SNTB1: variants seen among roughly 807,000 people sequenced by gnomAD.
SNTB1 encodes the protein beta-1-syntrophin.
SNTB1 carries 36 observed loss-of-function variants against 48.9 expected under a neutral mutation model. That is an observed-to-expected ratio of 0.74 (90% CI 0.56 to 0.97). The LOEUF (loss-of-function observed/expected upper bound fraction) is 0.97. Ranked by LOEUF, SNTB1 falls within the 50% of genes least tolerant of loss-of-function variation. The pLI, the probability that SNTB1 is intolerant of heterozygous loss-of-function variation, is 0.00. For synonymous variants in SNTB1, 299 were observed against 294.6 expected (o/e 1.01, Z -0.15); for missense variants, 786 against 703.4 (o/e 1.12, Z -1.33).
chr8:120,684,116 T>C (rs75407913), intron 2 of SNTB1, among the ~76,000 whole-genome samples: 18,101 of 152,214 alleles, frequency 0.12, 1,264 homozygotes, highest in East Asian at 0.23. Flanking sequence ...ACAGTGCCTA[T>C]TATGTGTCCT....
At chr8:120,731,981 T>A (rs990607027) in intron 1 of SNTB1, among the ~76,000 whole-genome samples, 1 of 152,220 alleles carries the variant, frequency 6.6e-6, no homozygotes, top group African/African-American at 2.4e-5. Context: ...CAGTGAGCAG[T>A]GTTTCAAAAC....
chr8:120,804,457 G>A (rs1329284687), intron 1 of SNTB1, among the ~76,000 whole-genome samples: 3 of 152,040 alleles, frequency 2.0e-5, no homozygotes, highest in South Asian at 2.1e-4. Flanking sequence ...GCCTTATACC[G>A]CTTTAACTTC....
chr8:120,759,419 A>G (rs1005810695), intron 1 of SNTB1, among the ~76,000 whole-genome samples: 1 of 152,124 alleles, frequency 6.6e-6, no homozygotes, highest in Non-Finnish European at 1.5e-5. Flanking sequence ...TGCTTTGAAT[A>G]CTTTTCTGAT....
At chr8:120,584,351 G>A (rs1816099916) in intron 3 of SNTB1, among the ~76,000 whole-genome samples, 1 of 144,876 alleles carries the variant, frequency 6.9e-6, no homozygotes, top group African/African-American at 2.6e-5. Flanking sequence ...CTGAGGCAGA[G>A]TTGCTCGAAC....
At chr8:120,603,610 T>C (rs927868234) in intron 3 of SNTB1, among the ~76,000 whole-genome samples, 1 of 152,192 alleles carries the variant, frequency 6.6e-6, no homozygotes, top group African/African-American at 2.4e-5. Flanking sequence ...CAGCAATCTA[T>C]GTTCCAACAA....
At chr8:120,598,034 TG>T (rs1471533512) in intron 3 of SNTB1, among the ~76,000 whole-genome samples, 3 of 152,214 alleles carry the variant, frequency 2.0e-5, no homozygotes, top group Non-Finnish European at 4.4e-5. Flanking sequence ...TTTTTCTGTT[TG>T]GGGATGGGAA....
rs545848995 is a variant in SNTB1, at chr8:120,563,396, A to G, written c.1136+11690T>C. On this transcript the variant is annotated intron_variant, in intron 4 of 6. Coordinates refer to ENST00000517992, the MANE Select transcript of SNTB1 (RefSeq NM_021021.4). ...GAGGAATGAGAATTGCTAAAATTACAACTTGTTTGCAAACTTCCTGAGCGC... is the reference window on the plus strand; with the variant it reads ...GAGGAATGAGAATTGCTAAAATTACGACTTGTTTGCAAACTTCCTGAGCGC... Among the ~76,000 whole-genome samples the G allele has an allele frequency of 1.8e-4, 27 of 152,220 alleles. No homozygotes were observed. In the East Asian group the frequency reaches 5.2e-3, roughly 29 times the overall value.
intron 1 of SNTB1, among the ~76,000 whole-genome samples, chr8:120,722,772 T>C (rs1818685772): frequency 6.6e-6 from 1 of 152,342 alleles, no homozygotes; most frequent in South Asian, 2.1e-4. Context: ...CAATTTTGGC[T>C]TTTGTTGCCA....
intron 4 of SNTB1, among the ~76,000 whole-genome samples, chr8:120,565,492 C>T (rs959777246): frequency 1.3e-5 from 2 of 152,144 alleles, no homozygotes; most frequent in Admixed American, 6.5e-5. Flanking sequence ...AGAACCCACG[C>T]TCTGGAGCAT....
rs1024498666 is a variant in SNTB1, at chr8:120,537,375, C to T, written c.*1502G>A. 1 of 152,194 alleles carries T rather than the reference C, an allele frequency of 6.6e-6. No individual in the cohort carries two copies. The highest frequency in any genetic ancestry group is 2.4e-5 in the African/African-American group (1 of 41,458). 9.4% of individuals were successfully genotyped at this position (152,194 alleles called of 1,614,324 possible). A position where few individuals can be genotyped will look rare whatever the true frequency, so the allele number is the denominator to read the frequency against. On this transcript the variant is annotated 3_prime_UTR_variant, in exon 7 of 7. Transcript: ENST00000517992. ...CCTGTCTCCCCCCAGCAAAACACCA[C>T]TCAGTCAAGCCCCTTGGAACTAGCG...
intron 3 of SNTB1, among the ~76,000 whole-genome samples, chr8:120,604,319 A>C (rs2130722833): frequency 6.6e-6 from 1 of 152,028 alleles, no homozygotes; most frequent in Non-Finnish European, 1.5e-5. Context: ...GAATACCTGA[A>C]TCTCCATCAA....
intron 2 of SNTB1, among the ~76,000 whole-genome samples, chr8:120,654,195 A>C (rs1817460542): frequency 6.6e-6 from 1 of 151,892 alleles, no homozygotes; most frequent in Admixed American, 6.6e-5. Context: ...GTAGGTCTCC[A>C]CTCTGTAAAG....
chr8:120,555,577 T>C (rs1447295537), intron 4 of SNTB1, among the ~76,000 whole-genome samples: 1 of 152,196 alleles, frequency 6.6e-6, no homozygotes, highest in Admixed American at 6.5e-5. Flanking sequence ...CCCTGAAAGC[T>C]CCCAGCTTGC....
intron 1 of SNTB1, among the ~76,000 whole-genome samples, chr8:120,697,810 C>T (rs748856568): frequency 6.6e-6 from 1 of 152,112 alleles, no homozygotes; most frequent in African/African-American, 2.4e-5. Context: ...TCCACAAATT[C>T]TTTAAAAGTG....
chr8:120,770,039 G>A (rs1819592305), intron 1 of SNTB1, among the ~76,000 whole-genome samples: 1 of 152,180 alleles, frequency 6.6e-6, no homozygotes, highest in Non-Finnish European at 1.5e-5. Context: ...ATCAATGGGA[G>A]TTGCTTGTAA....
chr8:120,593,320 A>G (rs1239604309), intron 3 of SNTB1, among the ~76,000 whole-genome samples: 1 of 152,214 alleles, frequency 6.6e-6, no homozygotes, highest in Non-Finnish European at 1.5e-5. Flanking sequence ...ATCCAGTGGC[A>G]GCCTCGCATG....
intron 3 of SNTB1, among the ~76,000 whole-genome samples, chr8:120,579,772 C>CT (rs1816013888): frequency 6.6e-6 from 1 of 152,338 alleles, no homozygotes; most frequent in African/African-American, 2.4e-5. Flanking sequence ...CTTTCAGTGC[C>CT]TTTTTTGTGG....
At chr8:120,663,323 G>T (rs959765447) in intron 2 of SNTB1, among the ~76,000 whole-genome samples, 5 of 152,172 alleles carry the variant, frequency 3.3e-5, no homozygotes, top group Non-Finnish European at 7.4e-5. Context: ...GAGGCCAAGG[G>T]GAGAGCATCC....
intron 1 of SNTB1, among the ~76,000 whole-genome samples, chr8:120,794,417 T>G (rs1820087877): frequency 6.6e-6 from 1 of 152,150 alleles, no homozygotes; most frequent in East Asian, 1.9e-4. Context: ...CTAGAGGGAC[T>G]TCTGTAAAGT....
Sources: gnomAD v4.1 joint callset for allele counts (sites outside exome capture counted in the v4.1 genomes callset) on GRCh38, gnomAD v4.1.1 for gene constraint, MANE v1.5 for transcripts, NCBI Gene and HGNC (gene_info 2026-07-23, HGNC 2026-07-21) for gene names.